LPAR1: variants seen among roughly 807,000 people sequenced by gnomAD.
LPAR1 encodes lysophosphatidic acid receptor 1.
In LPAR1, 5 loss-of-function variants were observed where a neutral mutation model predicts 23.8. That is an observed-to-expected ratio of 0.21 (90% CI 0.11 to 0.44). The LOEUF (loss-of-function observed/expected upper bound fraction) is 0.44, where lower values mean the gene tolerates loss of function less well. Among genes scored for constraint, LPAR1 ranks in the 20% least tolerant of loss-of-function variants. The probability of loss-of-function intolerance (pLI) is 0.99; values close to 1 mark genes in which losing one functional copy is unlikely to be tolerated. For synonymous variants in LPAR1, 160 were observed against 164.7 expected, an observed-to-expected ratio of 0.97 and a Z score of 0.22; for missense variants, 311 against 482.8, an observed-to-expected ratio of 0.64 and a Z score of 3.33.
At chr9:110,988,640 C>A (rs1332908319) in intron 2 of LPAR1, among the ~76,000 whole-genome samples, 3 of 85,414 alleles carry the variant, frequency 3.5e-5, no homozygotes, top group South Asian at 4.1e-4. Context: ...GACATAATAA[C>A]AAGTGTTGGT....
chr9:110,902,937 A>G (rs1300758274), intron 5 of LPAR1, among the ~76,000 whole-genome samples: 1 of 152,222 alleles, frequency 6.6e-6, no homozygotes, highest in African/African-American at 2.4e-5. Flanking sequence ...AGATAAACCA[A>G]GAAGACCAAA....
chr9:110,993,613 C>T (rs1408696397), intron 2 of LPAR1, among the ~76,000 whole-genome samples: 1 of 152,066 alleles, frequency 6.6e-6, no homozygotes, highest in Non-Finnish European at 1.5e-5. Context: ...GAGAGGTTTT[C>T]AATAGAAATA....
chr9:110,950,790 G>A (rs1751711074), intron 4 of LPAR1, among the ~76,000 whole-genome samples: 1 of 152,096 alleles, frequency 6.6e-6, no homozygotes, highest in Non-Finnish European at 1.5e-5. Context: ...GAATAGAGAT[G>A]TAAAGATGTC....
intron 2 of LPAR1, among the ~76,000 whole-genome samples, chr9:111,009,748 G>A (rs2097291420): frequency 2.0e-5 from 3 of 151,466 alleles, no homozygotes; most frequent in African/African-American, 7.3e-5. Flanking sequence ...ACTGTTAACA[G>A]CTGCTATTTC....
chr9:110,938,221 A>C (rs6477797), intron 5 of LPAR1, among the ~76,000 whole-genome samples: 59,285 of 152,088 alleles, frequency 0.39, 12,188 homozygotes, highest in East Asian at 0.81. Flanking sequence ...ACTAAAAACC[A>C]AATGTACACA....
intron 5 of LPAR1, among the ~76,000 whole-genome samples, chr9:110,888,936 GA>G (rs1564374149): frequency 6.6e-6 from 1 of 152,204 alleles, no homozygotes; most frequent in Admixed American, 6.5e-5. Flanking sequence ...GAGAACTCCT[GA>G]CTTGGAGTAA....
rs567475309 is a variant in LPAR1 at position 110,993,844 on chromosome 9, G to T, written c.-181-20286C>A. On this transcript the variant is annotated intron_variant, in intron 2 of 5. Coordinates refer to ENST00000683809, the MANE Select transcript of LPAR1 (RefSeq NM_001351411.2). ...CAGACAGTTAAGACAGCACTTAAAA[G>T]AATTATGCAGACATGTAAAAAGGAC... Among the ~76,000 whole-genome samples the T allele has an allele frequency of 2.4e-4, 37 of 152,192 alleles. No individual in the cohort carries two copies. The South Asian group carries it at 7.5e-3, about 31-fold the overall frequency.
At chr9:110,891,272 C>T (rs562399799) in intron 5 of LPAR1, among the ~76,000 whole-genome samples, 5 of 152,202 alleles carry the variant, frequency 3.3e-5, no homozygotes, top group African/African-American at 1.2e-4. Flanking sequence ...AGATAATCAT[C>T]ATCTAGCAAA....
chr9:110,914,238 T>C (rs573420430), intron 5 of LPAR1, among the ~76,000 whole-genome samples: 55 of 152,348 alleles, frequency 3.6e-4, no homozygotes, highest in African/African-American at 1.3e-3. Flanking sequence ...GTTTTCATAC[T>C]GCTAATAAAG....
At chr9:110,950,175 C>T (rs576191893) in intron 4 of LPAR1, among the ~76,000 whole-genome samples, 4 of 151,962 alleles carry the variant, frequency 2.6e-5, no homozygotes, top group East Asian at 1.9e-4. Context: ...CAAACAGAAA[C>T]AAGGACAGGC....
chr9:110,984,155 T>G (rs958994066), intron 2 of LPAR1, among the ~76,000 whole-genome samples: 1 of 151,998 alleles, frequency 6.6e-6, no homozygotes. Flanking sequence ...TATTATAAAA[T>G]GTACAATAAA....
chr9:110,899,468 G>A (rs566425617), intron 5 of LPAR1, among the ~76,000 whole-genome samples: 1 of 152,312 alleles, frequency 6.6e-6, no homozygotes, highest in African/African-American at 2.4e-5. Context: ...CTGGCTTGAG[G>A]AGACTAGAAA....
intron 2 of LPAR1, among the ~76,000 whole-genome samples, chr9:111,033,684 T>A (rs2097843681): frequency 6.6e-6 from 1 of 152,230 alleles, no homozygotes. Flanking sequence ...CCTGAGTAGC[T>A]GGGATTACAG....
intron 5 of LPAR1, among the ~76,000 whole-genome samples, chr9:110,926,175 C>T (rs536548244): frequency 2.4e-4 from 36 of 152,310 alleles, no homozygotes; most frequent in Non-Finnish European, 4.6e-4. Flanking sequence ...CCGCCTAGGC[C>T]TCCCAAAGTG....
chr9:110,875,518 T>C lies in LPAR1; in HGVS notation c.998A>G (p.Asn333Ser), dbSNP rs959967577. The change falls in exon 6 of 6, where the codon AAC (asparagine) becomes AGC (serine). Residue 333 changes from asparagine to serine, a missense_variant. Transcript: ENST00000683809. ...RQILCCQRSE[N>S]PTGPTEGSDR... is the part of the protein sequence containing the mutation. ...TGAGCCTTCTGTGGGGCCGGTGGGGTTCTCACTGCGCTGGCAGCAGAGGAT... is the reference window on the plus strand; with the variant it reads ...TGAGCCTTCTGTGGGGCCGGTGGGGCTCTCACTGCGCTGGCAGCAGAGGAT... 6 of 1,613,886 alleles carry C rather than the reference T, an allele frequency of 3.7e-6. No homozygotes were observed. The highest frequency in any genetic ancestry group is 4.2e-6 in the Non-Finnish European group (5 of 1,179,980).
chr9:110,923,842 G>A (rs1240250417), intron 5 of LPAR1, among the ~76,000 whole-genome samples: 1 of 152,158 alleles, frequency 6.6e-6, no homozygotes, highest in Non-Finnish European at 1.5e-5. Context: ...TCACCACGCT[G>A]TCTTTTTCAG....
chr9:110,978,519 T>G (rs553356741), intron 2 of LPAR1, among the ~76,000 whole-genome samples: 2 of 152,244 alleles, frequency 1.3e-5, no homozygotes, highest in South Asian at 4.1e-4. Context: ...ACAATTTAGA[T>G]AAAATGGGGA....
At chr9:110,989,214 A>C (rs1186264562) in intron 2 of LPAR1, among the ~76,000 whole-genome samples, 1 of 152,134 alleles carries the variant, frequency 6.6e-6, no homozygotes, top group Non-Finnish European at 1.5e-5. Context: ...TGATGATTGC[A>C]CATTATCTAT....
rs771140007 is a variant in LPAR1 at position 110,922,904 on chromosome 9, T to C, written c.793+18517A>G. ...ATGCAGAACGTGCAGGTTTGTTACA[T>C]AGGTATACACGTGCCATGGTGGTTT... is the stretch of plus-strand genomic sequence containing the variant. On this transcript the variant is annotated intron_variant, in intron 5 of 5. Coordinates refer to ENST00000683809, the MANE Select transcript of LPAR1 (RefSeq NM_001351411.2). Among the ~76,000 whole-genome samples the C allele has an allele frequency of 5.2e-4, 78 of 151,358 alleles. 1 individual carries two copies. The highest frequency in any genetic ancestry group is 6.9e-3 in the Middle Eastern group (2 of 290).
Sources: gnomAD v4.1 joint callset for allele counts (sites outside exome capture counted in the v4.1 genomes callset) on GRCh38, gnomAD v4.1.1 for gene constraint, MANE v1.5 for transcripts, NCBI Gene and HGNC (gene_info 2026-07-23, HGNC 2026-07-21) for gene names.